The following PXDNL variants were observed in gnomAD, a reference collection of about 807,000 sequenced individuals.
PXDNL encodes probable oxidoreductase PXDNL.
A neutral mutation model predicts 150.8 loss-of-function variants in PXDNL; 145 were observed. The observed-to-expected ratio is 0.96, with a 90% confidence interval of 0.84 to 1.10. The LOEUF is 1.10. Among genes scored for constraint, PXDNL ranks in the 50% least tolerant of loss-of-function variants. PXDNL has a pLI of 0.00. For synonymous variants in PXDNL, 757 were observed against 725.7 expected (o/e 1.04, Z -0.69); for missense variants, 2,087 against 1,873.9 (o/e 1.11, Z -2.10).
At chr8:51,756,799 T>C (rs962207636) in intron 1 of PXDNL, among the ~76,000 whole-genome samples, 8 of 152,194 alleles carry the variant, frequency 5.3e-5, no homozygotes, top group Non-Finnish European at 1.0e-4. Flanking sequence ...AATTTGTTTT[T>C]TTTTAATCTG....
intron 1 of PXDNL, among the ~76,000 whole-genome samples, chr8:51,691,155 C>T (rs1197608619): frequency 2.0e-5 from 3 of 152,106 alleles, no homozygotes; most frequent in Non-Finnish European, 4.4e-5. Context: ...TTTTGCTGTG[C>T]AGAAGCTCTT....
At chr8:51,756,323 C>T (rs1437366121) in intron 1 of PXDNL, among the ~76,000 whole-genome samples, 5 of 148,718 alleles carry the variant, frequency 3.4e-5, no homozygotes, top group Admixed American at 1.4e-4. Flanking sequence ...GCTCAGCAGG[C>T]AGAAGTTGCA....
At chr8:51,568,438 T>G (rs1187245694) in intron 3 of PXDNL, among the ~76,000 whole-genome samples, 1 of 151,908 alleles carries the variant, frequency 6.6e-6, no homozygotes, top group Non-Finnish European at 1.5e-5. Flanking sequence ...CTTCATGCTC[T>G]TTTTGCTTAC....
chr8:51,614,986 C>T (rs7462956), intron 2 of PXDNL, among the ~76,000 whole-genome samples: 24 of 152,094 alleles, frequency 1.6e-4, no homozygotes, highest in Admixed American at 2.6e-4. Context: ...TTATGTGCTT[C>T]GAATTCCATT....
chr8:51,743,883 CCT>C (rs143744172), intron 1 of PXDNL, among the ~76,000 whole-genome samples: 27 of 71,440 alleles, frequency 3.8e-4, no homozygotes, highest in Admixed American at 5.9e-4. Flanking sequence ...AATGTTGGAA[CCT>C]CTCTCTCTCT....
At chr8:51,588,511 TCTCA>T (rs1167967017) in intron 3 of PXDNL, among the ~76,000 whole-genome samples, 4 of 152,200 alleles carry the variant, frequency 2.6e-5, no homozygotes, top group South Asian at 2.1e-4. Flanking sequence ...GATTTTTTGT[TCTCA>T]CTCAGAGCAG....
chr8:51,596,983 G>A (rs1563477350), intron 2 of PXDNL, among the ~76,000 whole-genome samples: 1 of 152,132 alleles, frequency 6.6e-6, no homozygotes, highest in African/African-American at 2.4e-5. Context: ...TTCTCCCAAT[G>A]CCCATGCCCA....
intron 3 of PXDNL, among the ~76,000 whole-genome samples, chr8:51,589,069 C>A (rs7816855): frequency 0.051 from 7,765 of 152,068 alleles, 465 homozygotes; most frequent in African/African-American, 0.15. Flanking sequence ...TTATCACAGA[C>A]GTTTGGCCCT....
At chr8:51,637,279 T>TA (rs1814625795) in intron 2 of PXDNL, among the ~76,000 whole-genome samples, 1 of 152,044 alleles carries the variant, frequency 6.6e-6, no homozygotes, top group African/African-American at 2.4e-5. Context: ...CTGAAAAGTC[T>TA]AAAAATCAGA....
intron 1 of PXDNL, among the ~76,000 whole-genome samples, chr8:51,763,693 A>G (rs966606630): frequency 2.0e-5 from 3 of 152,150 alleles, no homozygotes; most frequent in Non-Finnish European, 4.4e-5. Flanking sequence ...ATTCCTGAAT[A>G]TTTTATACTT....
At chr8:51,502,395 A>G (rs4873196) in intron 4 of PXDNL, among the ~76,000 whole-genome samples, 57,256 of 151,966 alleles carry the variant, frequency 0.38, 11,660 homozygotes, top group African/African-American at 0.53. Context: ...AAGTGCCCAA[A>G]GCCACAAAGC....
chr8:51,745,777 G>A (rs935205174), intron 1 of PXDNL, among the ~76,000 whole-genome samples: 2 of 115,072 alleles, frequency 1.7e-5, no homozygotes, highest in African/African-American at 3.3e-5. Flanking sequence ...TTTTTTTTTA[G>A]ATGTAGTCTC....
intron 4 of PXDNL, among the ~76,000 whole-genome samples, chr8:51,523,566 AAC>A (rs972150835): frequency 6.6e-6 from 1 of 152,242 alleles, no homozygotes; most frequent in African/African-American, 2.4e-5. Context: ...AAACAAAGAA[AAC>A]ACAGAAGAAT....
chr8:51,675,792 C>CAAAAAAAAAAA, intron 1 of PXDNL, among the ~76,000 whole-genome samples: 1 of 93,254 alleles, frequency 1.1e-5, no homozygotes, highest in Non-Finnish European at 2.0e-5. Flanking sequence ...GGCTCCGTCT[C>CAAAAAAAAAAA]AAAAAAAAAA....
chr8:51,403,488 G>A (rs966225242), intron 17 of PXDNL, among the ~76,000 whole-genome samples: 1 of 152,132 alleles, frequency 6.6e-6, no homozygotes. Flanking sequence ...AGCTTCCCTG[G>A]CGCATCTTAA....
chr8:51,473,278 CACACA>C (rs1810390087), intron 7 of PXDNL, among the ~76,000 whole-genome samples: 1 of 145,096 alleles, frequency 6.9e-6, no homozygotes, highest in Non-Finnish European at 1.6e-5. Flanking sequence ...AAAATAAACA[CACACA>C]CACACACACA....
rs1361823905 is a variant in PXDNL at position 51,644,319 on chromosome 8, TAC to T, written c.236+10368_236+10369del. Among the ~76,000 whole-genome samples the T allele has an allele frequency of 5.5e-3, 267 of 48,930 alleles. 71 individuals carry two copies. Among genetic ancestry groups the T allele is most frequent in the South Asian group, 0.017 (17 of 1,018 alleles). 32.1% of individuals were successfully genotyped at this position (48,930 alleles called of 152,430 possible). A position where few individuals can be genotyped will look rare whatever the true frequency, so the allele number is the denominator to read the frequency against. ...AAACCCTGTAGCAAAGGCACATTTT[TAC>T]ATATATATATATATATACACACACA... is the stretch of plus-strand genomic sequence containing the variant. On this transcript the variant is annotated intron_variant, in intron 2 of 22. Coordinates refer to ENST00000356297, the MANE Select transcript of PXDNL (RefSeq NM_144651.5).
In PXDNL at chr8:51,461,387, C is replaced by A. The variant is rs138643393; in HGVS notation, c.813-3720G>T. Among the ~76,000 whole-genome samples, 374 of 152,360 alleles carry A rather than the reference C, an allele frequency of 2.5e-3. 2 individuals are homozygous for A. The highest frequency in any genetic ancestry group is 8.5e-3 in the African/African-American group (353 of 41,590). ...GAGCTCCATGGCCTGAAACACCTGA[C>A]AGCCCAGCGATCTGGGTGCAGAAGG... is the stretch of plus-strand genomic sequence containing the variant. On this transcript the variant is annotated intron_variant, in intron 8 of 22. Coordinates refer to ENST00000356297, the MANE Select transcript of PXDNL (RefSeq NM_144651.5).
intron 1 of PXDNL, among the ~76,000 whole-genome samples, chr8:51,748,932 A>G (rs2037014266): frequency 6.6e-6 from 1 of 152,224 alleles, no homozygotes; most frequent in Admixed American, 6.5e-5. Flanking sequence ...AAGAAACTCA[A>G]TTTATTTAAA....
Sources: gnomAD v4.1 joint callset for allele counts (sites outside exome capture counted in the v4.1 genomes callset) on GRCh38, gnomAD v4.1.1 for gene constraint, MANE v1.5 for transcripts, NCBI Gene and HGNC (gene_info 2026-07-23, HGNC 2026-07-21) for gene names.